PCSK5: variants seen among roughly 807,000 people sequenced by gnomAD.
PCSK5 encodes prohormone convertase 5.
In PCSK5, 129 loss-of-function variants were observed where a neutral mutation model predicts 233.2. That is an observed-to-expected ratio of 0.55 (90% CI 0.48 to 0.64). The LOEUF (loss-of-function observed/expected upper bound fraction) is 0.64, where lower values mean the gene tolerates loss of function less well. PCSK5 is among the 30% of genes least tolerant of loss of function. The pLI, the probability that PCSK5 is intolerant of heterozygous loss-of-function variation, is 0.00. For missense variants in PCSK5, 2,076 were observed against 2,430.1 expected, an observed-to-expected ratio of 0.85 and a Z score of 3.06; for synonymous variants, 825 against 879.2, an observed-to-expected ratio of 0.94 and a Z score of 1.09.
intron 20 of PCSK5, among the ~76,000 whole-genome samples, chr9:76,226,834 A>G (rs2131308841): frequency 6.6e-6 from 1 of 152,274 alleles, no homozygotes; most frequent in East Asian, 1.9e-4. Context: ...TTGCTGTGGG[A>G]GTAATTTCTT....
At chr9:75,940,226 A>G (rs1824237299) in intron 2 of PCSK5, among the ~76,000 whole-genome samples, 1 of 152,200 alleles carries the variant, frequency 6.6e-6, no homozygotes, top group South Asian at 2.1e-4. Flanking sequence ...ACGTCTACCC[A>G]TCGAGTCTAC....
chr9:76,082,153 G>GA lies in PCSK5; in HGVS notation c.894+10258dup, dbSNP rs1198619314. On this transcript the variant is annotated intron_variant, in intron 7 of 37. Coordinates refer to ENST00000674117, the MANE Select transcript of PCSK5 (RefSeq NM_001372043.1). The stretch of plus-strand genomic sequence containing the variant: ...TCAGTTTTGCCAGGGTCTCAGAATT[G>GA]AAATTTTACATGTCATCTTAGGAAA... 5.9e-5 allele frequency among the ~76,000 whole-genome samples: 9 copies of GA among 152,104 alleles called. No homozygotes were observed. The East Asian group carries it at 1.7e-3, about 29-fold the overall frequency.
chr9:76,053,136 G>T (rs1829692137), intron 5 of PCSK5, among the ~76,000 whole-genome samples: 1 of 152,210 alleles, frequency 6.6e-6, no homozygotes, highest in Non-Finnish European at 1.5e-5. Flanking sequence ...GGCAAATGGT[G>T]CAAGCTGTCA....
At chr9:76,150,184 C>T (rs1295956311) in intron 10 of PCSK5, among the ~76,000 whole-genome samples, 1 of 152,148 alleles carries the variant, frequency 6.6e-6, no homozygotes, top group Non-Finnish European at 1.5e-5. Flanking sequence ...CCAAACCCAT[C>T]CCCAAGAGTA....
At chr9:76,174,545 C>T (rs1038740610) in intron 13 of PCSK5, among the ~76,000 whole-genome samples, 10 of 151,996 alleles carry the variant, frequency 6.6e-5, no homozygotes, top group South Asian at 2.1e-4. Flanking sequence ...CTCCTGACCT[C>T]GTGATCCACC....
At chr9:75,935,285 T>G (rs1487972073) in intron 2 of PCSK5, among the ~76,000 whole-genome samples, 1 of 152,178 alleles carries the variant, frequency 6.6e-6, no homozygotes, top group Non-Finnish European at 1.5e-5. Flanking sequence ...GCCAGGACGG[T>G]CTTGATCTCC....
chr9:76,014,971 A>G (rs544872304), intron 3 of PCSK5, among the ~76,000 whole-genome samples: 1 of 152,244 alleles, frequency 6.6e-6, no homozygotes, highest in Non-Finnish European at 1.5e-5. Context: ...AAAGAGAGGG[A>G]GAGGGAGAGA....
intron 24 of PCSK5, among the ~76,000 whole-genome samples, chr9:76,244,785 A>C (rs998407243): frequency 6.6e-6 from 1 of 152,196 alleles, no homozygotes; most frequent in Non-Finnish European, 1.5e-5. Context: ...GTCTGGAAGA[A>C]AGTGTTGAAT....
intron 24 of PCSK5, among the ~76,000 whole-genome samples, chr9:76,280,999 G>T (rs959027309): frequency 6.6e-6 from 1 of 152,104 alleles, no homozygotes; most frequent in Non-Finnish European, 1.5e-5. Flanking sequence ...TTTTATGTAA[G>T]CTGAGAGAGG....
intron 37 of PCSK5, among the ~76,000 whole-genome samples, chr9:76,355,687 C>T (rs1421404037): frequency 6.6e-6 from 1 of 151,716 alleles, no homozygotes; most frequent in African/African-American, 2.4e-5. Flanking sequence ...CATTTTCTTT[C>T]TTTCTTTCTT....
chr9:75,900,660 C>T (rs575659421), intron 1 of PCSK5, among the ~76,000 whole-genome samples: 15 of 132,128 alleles, frequency 1.1e-4, no homozygotes, highest in East Asian at 4.3e-4. Context: ...GCCTGGGTGA[C>T]GGAGCGAGAC....
intron 24 of PCSK5, among the ~76,000 whole-genome samples, chr9:76,252,739 C>A (rs1274191226): frequency 6.6e-6 from 1 of 152,182 alleles, no homozygotes; most frequent in Non-Finnish European, 1.5e-5. Flanking sequence ...TAAATTCAAG[C>A]TTCAAATCTA....
intron 10 of PCSK5, among the ~76,000 whole-genome samples, chr9:76,150,339 A>G (rs546856816): frequency 1.3e-5 from 2 of 152,260 alleles, no homozygotes; most frequent in African/African-American, 4.8e-5. Flanking sequence ...GGAAAAATAA[A>G]AACAAACCAG....
intron 3 of PCSK5, among the ~76,000 whole-genome samples, chr9:76,000,116 A>T (rs1420852744): frequency 6.6e-6 from 1 of 152,154 alleles, no homozygotes; most frequent in East Asian, 1.9e-4. Context: ...GTGAAGGATG[A>T]TATGTCTCTT....
intron 35 of PCSK5, among the ~76,000 whole-genome samples, chr9:76,347,939 T>C (rs1465500367): frequency 6.6e-6 from 1 of 151,948 alleles, no homozygotes; most frequent in Admixed American, 6.6e-5. Context: ...TGTCATGATA[T>C]ATGTATACAA....
intron 35 of PCSK5, among the ~76,000 whole-genome samples, chr9:76,342,918 C>T (rs912911549): frequency 2.6e-5 from 4 of 152,146 alleles, no homozygotes; most frequent in Admixed American, 2.6e-4. Flanking sequence ...GCCAAACCTA[C>T]CCCTTAAATA....
intron 4 of PCSK5, among the ~76,000 whole-genome samples, chr9:76,025,121 C>G (rs911744165): frequency 1.3e-5 from 2 of 152,134 alleles, no homozygotes; most frequent in African/African-American, 4.8e-5. Flanking sequence ...GTATATTTTA[C>G]TTGATTTCCC....
At chr9:75,924,104 G>A (rs897491425) in intron 1 of PCSK5, among the ~76,000 whole-genome samples, 15 of 152,174 alleles carry the variant, frequency 9.9e-5, no homozygotes, top group African/African-American at 3.6e-4. Flanking sequence ...AGGTTAGGGT[G>A]TAGACATTTG....
At chr9:76,264,991 CAT>C in intron 24 of PCSK5, among the ~76,000 whole-genome samples, 1 of 152,160 alleles carries the variant, frequency 6.6e-6, no homozygotes, top group Non-Finnish European at 1.5e-5. Flanking sequence ...CAATAGCAAA[CAT>C]ATGGAATAAA....
Sources: allele counts gnomAD v4.1 joint callset (sites outside exome capture counted in the v4.1 genomes callset), GRCh38; gene constraint gnomAD v4.1.1; transcripts MANE v1.5; gene names NCBI Gene and HGNC (gene_info 2026-07-23, HGNC 2026-07-21).